DMD: variants seen among roughly 807,000 people sequenced by gnomAD.
DMD encodes mutant dystrophin.
DMD carries 63 observed loss-of-function variants against 330.1 expected under a neutral mutation model. That is an observed-to-expected ratio of 0.19 (90% confidence interval 0.16 to 0.24). The LOEUF (loss-of-function observed/expected upper bound fraction) is 0.24, where lower values mean the gene tolerates loss of function less well. Among genes scored for constraint, DMD ranks in the 10% least tolerant of loss-of-function variants. The pLI, the probability that DMD is intolerant of heterozygous loss-of-function variation, is 1.00. For synonymous variants in DMD, 1,223 were observed against 959.8 expected (o/e 1.27, Z -5.07); for missense variants, 3,344 against 2,684.1 (o/e 1.25, Z -5.43).
intron 20 of DMD, among the ~76,000 whole-genome samples, chrX:32,490,138 G>A (rs776765370): frequency 1.8e-5 from 2 of 111,334 alleles, no homozygotes; most frequent in South Asian, 7.6e-4. Context: ...ACCTTTCCAT[G>A]TCTATTCTAC....
intron 54 of DMD, among the ~76,000 whole-genome samples, chrX:31,651,565 T>C (rs1185810961): frequency 9.0e-6 from 1 of 111,525 alleles, no homozygotes; most frequent in South Asian, 3.8e-4. Context: ...AGATGTATAA[T>C]AGGCATTTCA....
chrX:32,704,855 T>A (rs1034162666), intron 7 of DMD, among the ~76,000 whole-genome samples: 3 of 112,331 alleles, frequency 2.7e-5, no homozygotes, highest in African/African-American at 9.7e-5. Context: ...AACCTATGGT[T>A]GTAAACAATA....
chrX:32,726,328 G>A (rs924474283), intron 7 of DMD, among the ~76,000 whole-genome samples: 1 of 111,094 alleles, frequency 9.0e-6, no homozygotes, highest in Non-Finnish European at 1.9e-5. Flanking sequence ...CTAAAATATA[G>A]TATTTTAAAA....
At chrX:32,497,963 TA>T (rs2043663891) in intron 19 of DMD, among the ~76,000 whole-genome samples, 1 of 112,072 alleles carries the variant, frequency 8.9e-6, no homozygotes, top group African/African-American at 3.2e-5. Flanking sequence ...TCTAAATTTC[TA>T]AATTATTTAT....
rs1448075444 is a variant in DMD, at chrX:33,093,921, A to AT, written c.32-73722_32-73721insA. Among the ~76,000 whole-genome samples the AT allele has an allele frequency of 1.2e-4, 13 of 111,856 alleles. No homozygotes were observed. The East Asian group carries it at 2.8e-3, about 24-fold the overall frequency. ...TCAATATATTTTACAATAGATTTTA[A>AT]ATACTATGTTGATTTTTTATGAAAG... On this transcript the variant is annotated intron_variant, in intron 1 of 78. Coordinates refer to ENST00000357033, the MANE Select transcript of DMD (RefSeq NM_004006.3).
At chrX:32,706,396 A>T (rs1027945212) in intron 7 of DMD, among the ~76,000 whole-genome samples, 1 of 107,887 alleles carries the variant, frequency 9.3e-6, no homozygotes. Flanking sequence ...TAAAAAAAAA[A>T]TGTAAAAATT....
At chrX:33,233,268 T>C (rs1365058178) in intron 1 of DMD, among the ~76,000 whole-genome samples, 2 of 111,596 alleles carry the variant, frequency 1.8e-5, no homozygotes. Flanking sequence ...ACTACCATTA[T>C]AGTCCAAAAA....
chrX:31,516,392 C>T (rs2147290403), intron 55 of DMD, among the ~76,000 whole-genome samples: 1 of 110,239 alleles, frequency 9.1e-6, no homozygotes, highest in South Asian at 3.9e-4. Flanking sequence ...CTAATCTAAC[C>T]ACCGGAGGTT....
At chrX:32,461,658 T>G (rs934972637) in intron 25 of DMD, among the ~76,000 whole-genome samples, 1 of 110,948 alleles carries the variant, frequency 9.0e-6, no homozygotes, top group Non-Finnish European at 1.9e-5. Context: ...TTATACTTTT[T>G]TTTTTTGGCT....
chrX:32,845,382 C>G (rs1033527665), intron 3 of DMD, among the ~76,000 whole-genome samples: 6 of 111,976 alleles, frequency 5.4e-5, no homozygotes, highest in Non-Finnish European at 9.4e-5. Flanking sequence ...AAAGTTGTAT[C>G]TTATCCTGTA....
At chrX:32,612,758 T>C (rs749987224) in intron 12 of DMD, among the ~76,000 whole-genome samples, 2 of 111,333 alleles carry the variant, frequency 1.8e-5, no homozygotes, top group South Asian at 7.5e-4. Flanking sequence ...TTCTACATAA[T>C]TGCAATACAG....
intron 45 of DMD, among the ~76,000 whole-genome samples, chrX:31,967,433 G>A (rs2095362127): frequency 9.2e-6 from 1 of 108,760 alleles, no homozygotes; most frequent in Admixed American, 9.9e-5. Flanking sequence ...TGAATAAAGA[G>A]GGAAAGAGGA....
chrX:32,097,032 CATTTAACCCCCA>C lies in DMD; in HGVS notation c.6438+119872_6438+119883del, dbSNP rs2096512047. 2.7e-5 allele frequency among the ~76,000 whole-genome samples: 3 copies of C among 111,663 alleles called. No homozygotes were observed. The South Asian group carries it at 1.1e-3, about 42-fold the overall frequency. ...CAAGAGTAGTCTACTTAGAAATAAT[CATTTAACCCCCA>C]TTAATGAACATTTTTTTTGGATCAG... On this transcript the variant is annotated intron_variant, in intron 44 of 78. Coordinates refer to ENST00000357033, the MANE Select transcript of DMD (RefSeq NM_004006.3).
chrX:32,204,801 G>C (rs1366047225), intron 44 of DMD, among the ~76,000 whole-genome samples: 1 of 109,098 alleles, frequency 9.2e-6, no homozygotes, highest in Non-Finnish European at 1.9e-5. Flanking sequence ...AAACAGGTGG[G>C]GGTTGAGGTC....
chrX:33,267,237 G>T (rs1384253015), intron 1 of DMD, among the ~76,000 whole-genome samples: 7 of 110,623 alleles, frequency 6.3e-5, no homozygotes, highest in African/African-American at 2.3e-4. Context: ...CAAGCTGAGA[G>T]TCAAATGAAG....
At chrX:31,294,474 T>C (rs893164380) in intron 62 of DMD, among the ~76,000 whole-genome samples, 2 of 112,461 alleles carry the variant, frequency 1.8e-5, no homozygotes, top group Non-Finnish European at 3.8e-5. Flanking sequence ...TCTGGTTTTC[T>C]AGACCAGTTT....
intron 60 of DMD, among the ~76,000 whole-genome samples, chrX:31,397,569 A>G (rs1299467158): frequency 8.9e-6 from 1 of 112,624 alleles, no homozygotes; most frequent in Non-Finnish European, 1.9e-5. Context: ...CCTAGATTCC[A>G]TTGTGTCTTT....
At chrX:32,675,801 A>G (rs1227827414) in intron 9 of DMD, among the ~76,000 whole-genome samples, 1 of 111,985 alleles carries the variant, frequency 8.9e-6, no homozygotes, top group Non-Finnish European at 1.9e-5. Flanking sequence ...TCTTCTCAAT[A>G]GGGTTGTTAT....
Position 32,610,048 on chromosome X carries a change from C to A in DMD, c.1482+4255G>T, listed in dbSNP as rs763874481. On this transcript the variant is annotated intron_variant, in intron 12 of 78. Transcript: ENST00000357033. The stretch of plus-strand genomic sequence containing the variant: ...TTAATGAAAGCTCAAGGCTTTTCCT[C>A]CTCAATAGCATCATGCCACTCCTTC... Among the ~76,000 whole-genome samples, 6 of 111,448 alleles carry A rather than the reference C, an allele frequency of 5.4e-5. No homozygotes were observed. The South Asian group carries it at 1.5e-3, about 27-fold the overall frequency.
Sources: gnomAD v4.1 joint callset for allele counts (sites outside exome capture counted in the v4.1 genomes callset) on GRCh38, gnomAD v4.1.1 for gene constraint, MANE v1.5 for transcripts, NCBI Gene and HGNC (gene_info 2026-07-23, HGNC 2026-07-21) for gene names.